Variants in PCNX2 observed in about 807,000 individuals in gnomAD.
PCNX2 encodes the protein pecanex 2.
A neutral mutation model predicts 223.8 loss-of-function variants in PCNX2; 168 were observed. That is an observed-to-expected ratio of 0.75 (90% CI 0.66 to 0.85). The LOEUF (loss-of-function observed/expected upper bound fraction) is 0.85. Among genes scored for constraint, PCNX2 ranks in the 40% least tolerant of loss-of-function variants. PCNX2 has a pLI of 0.00. For missense variants in PCNX2, 2,507 were observed against 2,675.5 expected (o/e 0.94, Z 1.39); for synonymous variants, 1,006 against 1,052.6 (o/e 0.96, Z 0.86).
At chr1:233,053,586 T>C (rs1672083561) in intron 25 of PCNX2, among the ~76,000 whole-genome samples, 1 of 152,196 alleles carries the variant, frequency 6.6e-6, no homozygotes, top group Admixed American at 6.5e-5. Flanking sequence ...AAACACTGCC[T>C]GATACAGAGG....
chr1:233,239,894 T>C (rs1658649504), intron 8 of PCNX2, among the ~76,000 whole-genome samples: 1 of 152,214 alleles, frequency 6.6e-6, no homozygotes, highest in Non-Finnish European at 1.5e-5. Flanking sequence ...ATCCTCCTTA[T>C]TTTATAAAGA....
chr1:233,202,413 C>T (rs968699635), intron 13 of PCNX2, among the ~76,000 whole-genome samples: 2 of 152,128 alleles, frequency 1.3e-5, no homozygotes, highest in African/African-American at 4.8e-5. Flanking sequence ...AATATAGTAG[C>T]TTAAGCTTAT....
chr1:233,004,460 C>CT (rs537817732), intron 28 of PCNX2, among the ~76,000 whole-genome samples: 8,852 of 143,962 alleles, frequency 0.061, 822 homozygotes, highest in African/African-American at 0.21. Context: ...ACAGTTTCTC[C>CT]TTTTTTTTTT....
At chr1:233,242,807 T>C (rs530793923) in intron 8 of PCNX2, among the ~76,000 whole-genome samples, 3 of 152,198 alleles carry the variant, frequency 2.0e-5, no homozygotes, top group Non-Finnish European at 2.9e-5. Context: ...CTAGGCAGAT[T>C]AGCAATTCCA....
At chr1:233,178,786 G>T (rs1023311841) in intron 16 of PCNX2, among the ~76,000 whole-genome samples, 3 of 152,094 alleles carry the variant, frequency 2.0e-5, no homozygotes, top group Non-Finnish European at 2.9e-5. Flanking sequence ...ACAGGGCTTG[G>T]GTGCTATCGA....
chr1:233,278,935 A>T (rs1206742798), intron 1 of PCNX2, among the ~76,000 whole-genome samples: 1 of 152,174 alleles, frequency 6.6e-6, no homozygotes, highest in Non-Finnish European at 1.5e-5. Context: ...CTTGGCCAGC[A>T]TCTATAATCT....
upstream of PCNX2, among the ~76,000 whole-genome samples, chr1:233,300,219 ATCCT>A (rs1463389056): frequency 6.6e-6 from 1 of 152,242 alleles, no homozygotes; most frequent in Non-Finnish European, 1.5e-5. Context: ...AACAAGATAC[ATCCT>A]TCCTTTATTA....
chr1:233,135,338 C>T (rs1323421272), intron 20 of PCNX2, 148 bp from the exon 21 acceptor site: 2 of 713,378 alleles, frequency 2.8e-6, no homozygotes, highest in African/African-American at 1.8e-5. Context: ...TTATTGTCTG[C>T]ATTTTACAGG....
At chr1:233,182,965 C>T (rs1409871710) in intron 15 of PCNX2, among the ~76,000 whole-genome samples, 1 of 152,128 alleles carries the variant, frequency 6.6e-6, no homozygotes, top group Non-Finnish European at 1.5e-5. Context: ...CACCTGCCCA[C>T]AGGAGTTGTG....
chr1:233,047,510 A>G (rs551528780), intron 25 of PCNX2: 3 of 592,324 alleles, frequency 5.1e-6, no homozygotes, highest in African/African-American at 4.0e-5. Context: ...CTTAAATTCC[A>G]GAAAAAACTG....
At chr1:232,992,933 G>A (rs1449727163) in intron 32 of PCNX2, among the ~76,000 whole-genome samples, 1 of 152,100 alleles carries the variant, frequency 6.6e-6, no homozygotes, top group Non-Finnish European at 1.5e-5. Flanking sequence ...AGTTTCCTGA[G>A]GCCTCCCCAG....
At chr1:233,105,104 A>C (rs1469355666) in intron 21 of PCNX2, among the ~76,000 whole-genome samples, 2 of 152,162 alleles carry the variant, frequency 1.3e-5, no homozygotes, top group Non-Finnish European at 2.9e-5. Flanking sequence ...TAAAAATTCA[A>C]CAAGGATATT....
chr1:233,252,451 T>A lies in PCNX2; in HGVS notation c.2031A>T (p.Gln677His). The A allele has an allele frequency of 6.2e-7, 1 of 1,613,718 alleles. No homozygotes were observed. Among genetic ancestry groups the A allele is most frequent in the Non-Finnish European group, 8.5e-7 (1 of 1,179,616 alleles). The change falls in exon 7 of 34, where the codon CAA becomes CAT. Residue 677 changes from glutamine (Q) to histidine (H), a missense_variant. By Grantham distance (24) the Gln-to-His change is conservative. Around this residue, in one of 3 missense-constraint regions of PCNX2, gnomAD observed 1,031 missense variants for 1,021.7 expected, o/e 1.01. Transcript: ENST00000258229. ...TGACTTGCAAGACAGAACTATCTTG[T>A]TGGGAAGTTACCCTGTAGATTATCT... is the stretch of plus-strand genomic sequence containing the variant. ...QRQIIYRVTS[Q>H]QDSSVLQVIS...
At position 232,983,968 on chromosome 1, in the gene PCNX2, A is replaced by G. The variant is rs1669356370; in HGVS notation, c.*336T>C. The G allele has an allele frequency of 4.9e-6, 1 of 204,326 alleles. No homozygotes were observed. The allele number at this position is 204,326 out of a possible 1,614,324, so 12.7% of individuals were successfully genotyped here. ...GTTAGTGAATGGCTTTTGAGATTTC[A>G]GATTCTGGAACATGTGTGGTGCTGT... On this transcript the variant is annotated 3_prime_UTR_variant, in exon 34 of 34. Coordinates refer to ENST00000258229, the MANE Select transcript of PCNX2 (RefSeq NM_014801.4).
chr1:233,112,925 T>A (rs1015001491), intron 21 of PCNX2: 3 of 1,289,182 alleles, frequency 2.3e-6, no homozygotes, highest in African/African-American at 3.0e-5. Context: ...CTTGCATGGT[T>A]TGAGTTAAGG....
intron 8 of PCNX2, among the ~76,000 whole-genome samples, chr1:233,244,959 G>A (rs953915375): frequency 3.3e-5 from 5 of 152,176 alleles, no homozygotes; most frequent in African/African-American, 1.2e-4. Context: ...TGTTGAGGTC[G>A]TTTTGATAAT....
In PCNX2 at chr1:233,236,858, G is replaced by A. The variant is rs761727858; in HGVS notation, c.2345C>T (p.Ser782Leu). The A allele has an allele frequency of 4.3e-5, 69 of 1,613,650 alleles. No individual in the cohort carries two copies. Among genetic ancestry groups the A allele is most frequent in the South Asian group, 1.5e-4 (14 of 91,058 alleles). The change falls in exon 9 of 34, where the codon TCG becomes TTG. Residue 782 changes from serine to leucine, a missense_variant. Around this residue, in one of 3 missense-constraint regions of PCNX2, gnomAD observed 1,031 missense variants for 1,021.7 expected, o/e 1.01. Coordinates refer to ENST00000258229, the MANE Select transcript of PCNX2 (RefSeq NM_014801.4). ...GAATGTACGTACCCGTGGGGTTTCCGACTGGGTCCTGCGAGCCACCATCAG... is the reference window on the plus strand; with the variant it reads ...GAATGTACGTACCCGTGGGGTTTCCAACTGGGTCCTGCGAGCCACCATCAG... ...LLLMVARRTQ[S>L]ETPRHVSQDL...
At chr1:232,987,870 G>A (rs967009565) in intron 32 of PCNX2, among the ~76,000 whole-genome samples, 12 of 152,208 alleles carry the variant, frequency 7.9e-5, no homozygotes, top group African/African-American at 1.4e-4. Flanking sequence ...GAGGGCACTG[G>A]TGCTCCCATC....
chr1:233,210,658 A>T, intron 12 of PCNX2: 1 of 985,184 alleles, frequency 1.0e-6, no homozygotes, highest in Non-Finnish European at 1.2e-6. Context: ...GCCACATATG[A>T]ATCAATCATC....
Sources: allele counts gnomAD v4.1 joint callset (sites outside exome capture counted in the v4.1 genomes callset), GRCh38; gene constraint gnomAD v4.1.1; regional missense constraint gnomAD v4.1.1; transcripts MANE v1.5; gene names NCBI Gene and HGNC (gene_info 2026-07-23, HGNC 2026-07-21).